The following CAPN9 variants were observed in gnomAD, a reference collection of about 807,000 sequenced individuals.
The protein encoded by CAPN9 is calpain 9.
A neutral mutation model predicts 92.8 loss-of-function variants in CAPN9; 81 were observed. The ratio of observed to expected loss-of-function variants is 0.87; its 90% CI spans 0.73 to 1.05. The LOEUF is 1.05. CAPN9 is among the 50% of genes least tolerant of loss of function. The pLI is 0.00. For synonymous variants in CAPN9, 304 were observed against 328.0 expected, an observed-to-expected ratio of 0.93 and a Z score of 0.79; for missense variants, 848 against 866.2, an observed-to-expected ratio of 0.98 and a Z score of 0.26.
chr1:230,752,410 G>C (rs1309595185), intron 1 of CAPN9, among the ~76,000 whole-genome samples: 1 of 152,204 alleles, frequency 6.6e-6, no homozygotes, highest in Non-Finnish European at 1.5e-5. Context: ...GTGTTTACTT[G>C]GAGAGTTTCT....
chr1:230,759,739 T>G lies in CAPN9; in HGVS notation c.402+109T>G, dbSNP rs1572022338. On this transcript the variant is annotated intron_variant, in intron 3 of 19. Coordinates refer to ENST00000271971, the MANE Select transcript of CAPN9 (RefSeq NM_006615.3). ...CTAGAAAAAAATGTCATCAGATCTG[T>G]GTGACATATGGTCCTAAACCATGCT... 18 of 661,484 alleles carry G rather than the reference T, an allele frequency of 2.7e-5. No homozygotes were observed. In the East Asian group the frequency reaches 3.9e-4, roughly 14 times the overall value. The allele number at this position is 661,484 out of a possible 1,614,324, so 41.0% of individuals were successfully genotyped here. A position where few individuals can be genotyped will look rare whatever the true frequency, so the allele number is the denominator to read the frequency against.
chr1:230,798,348 C>T (rs1453822494), intron 19 of CAPN9, 128 bp downstream of exon 19: 1 of 658,500 alleles, frequency 1.5e-6, no homozygotes, highest in African/African-American at 1.8e-5. Flanking sequence ...GTGATTATAA[C>T]AAAATAGCTA....
In CAPN9 at chr1:230,752,167, C is replaced by G. The variant is rs3000060; in HGVS notation, c.214-3170C>G. On this transcript the variant is annotated intron_variant, in intron 1 of 19. Transcript: ENST00000271971. The stretch of plus-strand genomic sequence containing the variant: ...CACACGTGTACCACACCTGGGCACA[C>G]ACAACAAGGCAAGTCACAGGCACCT... 1.2e-3 allele frequency among the ~76,000 whole-genome samples: 185 copies of G among 152,246 alleles called. 2 individuals are homozygous for G. Among genetic ancestry groups the G allele is most frequent in the African/African-American group, 4.2e-3 (174 of 41,516 alleles).
chr1:230,762,212 G>A (rs554089861), intron 3 of CAPN9, among the ~76,000 whole-genome samples: 1 of 152,322 alleles, frequency 6.6e-6, no homozygotes, highest in African/African-American at 2.4e-5. Context: ...CAAGGTTAAG[G>A]AAAATTGGAG....
intron 13 of CAPN9, 39 bp downstream of exon 13, chr1:230,787,641 G>GCCTGGT: frequency 1.3e-6 from 2 of 1,551,404 alleles, no homozygotes; most frequent in African/African-American, 1.4e-5. Flanking sequence ...ACCAGGCTGA[G>GCCTGGT]GGCCTGGACC....
intron 16 of CAPN9, among the ~76,000 whole-genome samples, 162 bp from the exon 17 acceptor site, chr1:230,792,688 A>G (rs1668083349): frequency 6.6e-6 from 1 of 152,200 alleles, no homozygotes; most frequent in African/African-American, 2.4e-5. Context: ...GACGAAAAGG[A>G]AGACAAAAGG....
intron 7 of CAPN9, among the ~76,000 whole-genome samples, chr1:230,772,775 A>G (rs1475493432): frequency 6.7e-6 from 1 of 150,088 alleles, no homozygotes; most frequent in Non-Finnish European, 1.5e-5. Context: ...AGGAAAAAAA[A>G]TAGAGGACAT....
chr1:230,763,727 G>A (rs934948196), intron 4 of CAPN9, among the ~76,000 whole-genome samples: 3 of 152,204 alleles, frequency 2.0e-5, no homozygotes, highest in Non-Finnish European at 2.9e-5. Context: ...CATAAAAGTG[G>A]CAAAATAGAG....
At chr1:230,780,392 G>C in intron 10 of CAPN9, 56 bp downstream of exon 10, 2 of 1,602,234 alleles carry the variant, frequency 1.2e-6, no homozygotes, top group Non-Finnish European at 1.7e-6. Flanking sequence ...TAAATTCGCG[G>C]CTCCTCCTCG....
At position 230,788,260 on chromosome 1, in the gene CAPN9, G is replaced by T. The variant is rs539615416; in HGVS notation, c.1599+658G>T. Reference sequence around the variant, plus strand: ...ATACTCTGTTTGCTGTAGTAAAGGGGATCATGTTCAAGGAGGTCCCTATTC... The same window carrying T: ...ATACTCTGTTTGCTGTAGTAAAGGGTATCATGTTCAAGGAGGTCCCTATTC... On this transcript the variant is annotated intron_variant, in intron 13 of 19. Transcript: ENST00000271971. Among the ~76,000 whole-genome samples the T allele has an allele frequency of 2.0e-5, 3 of 152,234 alleles. No individual in the cohort carries two copies. In the South Asian group the frequency reaches 6.2e-4, roughly 32 times the overall value.
intron 2 of CAPN9, among the ~76,000 whole-genome samples, 152 bp from the exon 3 acceptor site, chr1:230,759,358 GGA>G (rs1376680826): frequency 3.3e-5 from 5 of 152,218 alleles, no homozygotes; most frequent in Admixed American, 6.5e-5. Flanking sequence ...CAGAAGGGGA[GGA>G]GAGAGTTATT....
At chr1:230,792,535 G>A in intron 16 of CAPN9, 41 bp downstream of exon 16, 1 of 1,502,000 alleles carries the variant, frequency 6.7e-7, no homozygotes, top group Admixed American at 1.7e-5. Context: ...GGGGGACCCA[G>A]TGAACCTAGA....
Position 230,795,266 on chromosome 1 carries a change from G to A in CAPN9, c.1974G>A (p.Leu658=). The change falls in exon 18 of 20, where the codon CTG becomes CTA. Residue 658 remains leucine (L), a synonymous_variant. Transcript: ENST00000271971. ...FDDFLNCLVR[L]ENASRVFQAL... Reference sequence around the variant, plus strand: ...ACTTCCTCAACTGCCTGGTCCGGCTGGAGAATGCGAGCCGTAAGTGTCCAG... The same window carrying A: ...ACTTCCTCAACTGCCTGGTCCGGCTAGAGAATGCGAGCCGTAAGTGTCCAG... The A allele has an allele frequency of 6.2e-7, 1 of 1,608,206 alleles. No individual in the cohort carries two copies. The highest frequency in any genetic ancestry group is 2.2e-5 in the East Asian group (1 of 44,682).
intron 14 of CAPN9, among the ~76,000 whole-genome samples, 192 bp from the exon 15 acceptor site, chr1:230,791,672 T>C (rs932678569): frequency 6.6e-6 from 1 of 152,208 alleles, no homozygotes; most frequent in Non-Finnish European, 1.5e-5. Flanking sequence ...CTTTTATTGC[T>C]TTTTTCACAT....
intron 8 of CAPN9, among the ~76,000 whole-genome samples, chr1:230,778,327 C>T (rs776392607): frequency 4.6e-5 from 7 of 152,306 alleles, no homozygotes; most frequent in Middle Eastern, 3.4e-3. Flanking sequence ...ACTTGGACAC[C>T]GGCACTAACT....
chr1:230,756,881 G>A (rs929065303), intron 2 of CAPN9, among the ~76,000 whole-genome samples: 4 of 151,996 alleles, frequency 2.6e-5, no homozygotes, highest in African/African-American at 9.7e-5. Context: ...AGTTGAGGCT[G>A]CAGTGAGCTG....
intron 14 of CAPN9, 32 bp downstream of exon 14, chr1:230,790,221 AC>A: frequency 6.2e-7 from 1 of 1,612,366 alleles, no homozygotes; most frequent in South Asian, 1.1e-5. Flanking sequence ...GTCCTGGGGC[AC>A]CTATGGAGGG....
chr1:230,767,703 C>A lies in CAPN9; in HGVS notation c.699C>A (p.Phe233Leu), dbSNP rs748504285. Residue 233 changes from phenylalanine (F) to leucine (L), a missense_variant, in exon 5 of 20, where the codon TTC (phenylalanine) becomes TTA (leucine). Transcript: ENST00000271971. ...ALKRGSLLGC[F>L]IDTRSAAESE... ...AGAGAGGCTCCCTGCTGGGCTGCTT[C>A]ATTGATGTAAGTTGCTCATGGGCTC... The A allele has an allele frequency of 2.2e-5, 36 of 1,612,576 alleles. No homozygotes were observed. Among genetic ancestry groups the A allele is most frequent in the Non-Finnish European group, 2.7e-5 (32 of 1,179,410 alleles).
chr1:230,749,291 T>C (rs1488050944), intron 1 of CAPN9, among the ~76,000 whole-genome samples: 1 of 152,208 alleles, frequency 6.6e-6, no homozygotes, highest in Admixed American at 6.5e-5. Context: ...GGTTGCACTT[T>C]ACAGACAGGA....
Sources: gnomAD v4.1 joint callset for allele counts (sites outside exome capture counted in the v4.1 genomes callset) on GRCh38, gnomAD v4.1.1 for gene constraint, MANE v1.5 for transcripts, NCBI Gene and HGNC (gene_info 2026-07-23, HGNC 2026-07-21) for gene names.